The following RNF130 variants were observed in gnomAD, a reference collection of about 807,000 sequenced individuals.
The protein encoded by RNF130 is ring finger protein 130.
A neutral mutation model predicts 44.6 loss-of-function variants in RNF130; 21 were observed. The ratio of observed to expected loss-of-function variants is 0.47; its 90% CI spans 0.33 to 0.68. The LOEUF is 0.68. Among genes scored for constraint, RNF130 ranks in the 30% least tolerant of loss-of-function variants. RNF130 has a pLI of 0.02. For synonymous variants in RNF130, 214 were observed against 210.4 expected (o/e 1.02, Z -0.15); for missense variants, 479 against 560.6 (o/e 0.85, Z 1.47).
At chr5:179,932,318 T>C (rs991077597) in intron 7 of RNF130, among the ~76,000 whole-genome samples, 3 of 152,004 alleles carry the variant, frequency 2.0e-5, no homozygotes, top group African/African-American at 7.2e-5. Context: ...AGTGCAGTGG[T>C]GCAATCTCAG....
chr5:179,974,563 G>C (rs542512977), intron 5 of RNF130, among the ~76,000 whole-genome samples: 2 of 152,344 alleles, frequency 1.3e-5, no homozygotes, highest in Admixed American at 1.3e-4. Context: ...GCTCTGGATA[G>C]AAAGTCCTAG....
chr5:180,001,367 T>C (rs183649256), intron 3 of RNF130, among the ~76,000 whole-genome samples: 12 of 152,254 alleles, frequency 7.9e-5, no homozygotes, highest in Admixed American at 2.0e-4. Flanking sequence ...AATGGGACCA[T>C]GTCCTAGGCT....
At chr5:180,060,537 G>A (rs1764948327) in intron 1 of RNF130, among the ~76,000 whole-genome samples, 1 of 152,160 alleles carries the variant, frequency 6.6e-6, no homozygotes, top group Non-Finnish European at 1.5e-5. Context: ...ATAACGCCCA[G>A]CAGCCTAGAT....
At chr5:179,931,425 T>A (rs1271925676) in intron 7 of RNF130, among the ~76,000 whole-genome samples, 1 of 151,966 alleles carries the variant, frequency 6.6e-6, no homozygotes, top group African/African-American at 2.4e-5. Context: ...TTGTTTTTTG[T>A]TTTTTTTCTT....
At chr5:180,064,957 T>G (rs920643969) in intron 1 of RNF130, among the ~76,000 whole-genome samples, 2 of 152,150 alleles carry the variant, frequency 1.3e-5, no homozygotes, top group South Asian at 2.1e-4. Context: ...CTGCTCAAAA[T>G]TATGACATAT....
downstream of RNF130, among the ~76,000 whole-genome samples, chr5:179,954,072 A>G (rs1292698301): frequency 6.6e-6 from 1 of 152,246 alleles, no homozygotes; most frequent in Admixed American, 6.5e-5. Context: ...TATGACATCT[A>G]TAAGAAAAAA....
At chr5:179,926,229 T>C (rs1457975423) in intron 7 of RNF130, among the ~76,000 whole-genome samples, 1 of 152,242 alleles carries the variant, frequency 6.6e-6, no homozygotes, top group Non-Finnish European at 1.5e-5. Context: ...GCTTTATTTA[T>C]AGGCCTAGGA....
intron 3 of RNF130, among the ~76,000 whole-genome samples, chr5:179,993,055 C>T (rs1336069597): frequency 6.6e-6 from 1 of 152,192 alleles, no homozygotes; most frequent in East Asian, 1.9e-4. Flanking sequence ...GACATGAACA[C>T]ATCCTTTTTT....
At chr5:180,047,287 C>A (rs1057374232) in intron 1 of RNF130, among the ~76,000 whole-genome samples, 1 of 152,106 alleles carries the variant, frequency 6.6e-6, no homozygotes, top group Non-Finnish European at 1.5e-5. Context: ...TTATCAATTT[C>A]TTAATTTTAT....
chr5:179,978,833 T>C (rs901192962), intron 4 of RNF130, among the ~76,000 whole-genome samples: 1 of 152,200 alleles, frequency 6.6e-6, no homozygotes, highest in Non-Finnish European at 1.5e-5. Flanking sequence ...TCGGTCTTCA[T>C]TAAGAGTGAG....
intron 3 of RNF130, chr5:179,980,426 T>G: frequency 4.1e-6 from 2 of 491,856 alleles, no homozygotes; most frequent in African/African-American, 3.9e-5. Flanking sequence ...AACAGAAATA[T>G]AGAACTATAG....
At chr5:179,948,661 C>A (rs544673604) in intron 7 of RNF130, among the ~76,000 whole-genome samples, 1 of 151,750 alleles carries the variant, frequency 6.6e-6, no homozygotes, top group East Asian at 1.9e-4. Context: ...ATAGATAGAG[C>A]GAGACTCTGT....
intron 5 of RNF130, among the ~76,000 whole-genome samples, chr5:179,970,717 C>A (rs1480072558): frequency 6.6e-6 from 1 of 152,184 alleles, no homozygotes; most frequent in African/African-American, 2.4e-5. Context: ...CGTGTAAGAA[C>A]TGCTAAGTAG....
At chr5:180,066,751 G>GT (rs1432050149) in intron 1 of RNF130, among the ~76,000 whole-genome samples, 18 of 152,132 alleles carry the variant, frequency 1.2e-4, no homozygotes, top group African/African-American at 4.3e-4. Context: ...GCAGGAAGGC[G>GT]GAACCCGGGA....
chr5:180,026,849 A>T, intron 2 of RNF130, among the ~76,000 whole-genome samples: 1 of 152,182 alleles, frequency 6.6e-6, no homozygotes, highest in East Asian at 1.9e-4. Flanking sequence ...GAACCGAAAG[A>T]CATGACACAA....
chr5:180,033,826 C>T (rs896830529), intron 2 of RNF130, among the ~76,000 whole-genome samples: 4 of 152,192 alleles, frequency 2.6e-5, no homozygotes, highest in African/African-American at 9.7e-5. Flanking sequence ...TTTCTACATA[C>T]ACAACCTATG....
intron 2 of RNF130, among the ~76,000 whole-genome samples, chr5:180,034,192 A>T: frequency 6.8e-6 from 1 of 147,856 alleles, no homozygotes; most frequent in Admixed American, 6.7e-5. Context: ...TATTCTATTG[A>T]TTTTCAGATG....
intron 3 of RNF130, among the ~76,000 whole-genome samples, chr5:180,007,369 C>G (rs2113072708): frequency 6.6e-6 from 1 of 152,234 alleles, no homozygotes; most frequent in Non-Finnish European, 1.5e-5. Context: ...CCACTGCACT[C>G]CAGCCTGGGT....
intron 7 of RNF130, among the ~76,000 whole-genome samples, chr5:179,965,889 A>T (rs1762431548): frequency 6.6e-6 from 1 of 152,214 alleles, no homozygotes; most frequent in Non-Finnish European, 1.5e-5. Context: ...GAGGAGAAAC[A>T]TTTTGTAACA....
Sources: gnomAD v4.1 joint callset for allele counts (sites outside exome capture counted in the v4.1 genomes callset) on GRCh38, gnomAD v4.1.1 for gene constraint, MANE v1.5 for transcripts, NCBI Gene and HGNC (gene_info 2026-07-23, HGNC 2026-07-21) for gene names.